The following ISM1 variants were observed in gnomAD, a reference collection of about 807,000 sequenced individuals.
ISM1 encodes isthmin-1.
ISM1 carries 25 observed loss-of-function variants against 46.3 expected under a neutral mutation model. The ratio of observed to expected loss-of-function variants is 0.54; its 90% CI spans 0.39 to 0.75. The LOEUF (loss-of-function observed/expected upper bound fraction) is 0.75, where lower values mean the gene tolerates loss of function less well. ISM1 is among the 30% of genes least tolerant of loss of function. The pLI is 0.00. For missense variants in ISM1, 536 were observed against 625.4 expected (o/e 0.86, Z 1.52); for synonymous variants, 255 against 256.7 (o/e 0.99, Z 0.06).
intron 1 of ISM1, among the ~76,000 whole-genome samples, chr20:13,266,008 G>A (rs1211999565): frequency 6.6e-6 from 1 of 152,096 alleles, no homozygotes; most frequent in African/African-American, 2.4e-5. Flanking sequence ...CTCATTTCAG[G>A]CAGGACAAAG....
chr20:13,326,689 C>T, the ISM1 span, among the ~76,000 whole-genome samples: 1 of 152,028 alleles, frequency 6.6e-6, no homozygotes, highest in African/African-American at 2.4e-5. Flanking sequence ...GTCTTTTGTT[C>T]ATTTTTTAAA....
the ISM1 span, among the ~76,000 whole-genome samples, chr20:13,325,874 G>A: frequency 1.9e-4 from 29 of 152,038 alleles, no homozygotes; most frequent in Admixed American, 1.3e-4. Flanking sequence ...CAAAATGGAG[G>A]TTTCCTTATG....
rs189377184 is a variant in ISM1, at chr20:13,225,135, G to C, written c.138+3221G>C. Among the ~76,000 whole-genome samples, 116 of 151,650 alleles carry C rather than the reference G, an allele frequency of 7.6e-4. 1 individual carries two copies. The highest frequency in any genetic ancestry group is 6.8e-3 in the East Asian group (35 of 5,156). Reference sequence around the variant, plus strand: ...CCCAAAGTGCTGGGATTACAGGCGTGAGCCACCGCGCCCGGCCCATACTAG... The same window carrying C: ...CCCAAAGTGCTGGGATTACAGGCGTCAGCCACCGCGCCCGGCCCATACTAG... On this transcript the variant is annotated intron_variant, in intron 1 of 5. Transcript: ENST00000262487.
At chr20:13,238,319 A>G (rs1212285526) in intron 1 of ISM1, among the ~76,000 whole-genome samples, 3 of 152,160 alleles carry the variant, frequency 2.0e-5, no homozygotes, top group African/African-American at 7.2e-5. Flanking sequence ...AGTTCTTGAG[A>G]AGGTCATTAA....
At chr20:13,269,677 C>A (rs1243608110) in intron 1 of ISM1, among the ~76,000 whole-genome samples, 2 of 152,166 alleles carry the variant, frequency 1.3e-5, no homozygotes, top group East Asian at 3.9e-4. Flanking sequence ...CAAGTGTCAC[C>A]TTCTCTGAGG....
rs2039444840 is a variant in ISM1 at position 13,221,411 on chromosome 20, AG to A, written c.-363del. On this transcript the variant is annotated 5_prime_UTR_variant, in exon 1 of 6. An upstream open reading frame in the 5' UTR loses its in-frame stop. Transcript: ENST00000262487. Reference sequence around the variant, plus strand: ...GCCGACCCCGCAGCCCCCTGCCAGCAGGGTGGCCTCCGGCCCGGCCCGGGTC... The same window carrying A: ...GCCGACCCCGCAGCCCCCTGCCAGCAGGTGGCCTCCGGCCCGGCCCGGGTC... 7.0e-6 allele frequency among the ~76,000 whole-genome samples: 1 copy of A among 142,998 alleles called. No homozygotes were observed. The highest frequency in any genetic ancestry group is 2.5e-5 in the African/African-American group (1 of 40,004). 93.8% of individuals were successfully genotyped at this position (142,998 alleles called of 152,430 possible).
chr20:13,282,571 A>G (rs2040249021), intron 3 of ISM1, among the ~76,000 whole-genome samples: 1 of 152,210 alleles, frequency 6.6e-6, no homozygotes, highest in Non-Finnish European at 1.5e-5. Context: ...TCCTAGACCT[A>G]GAGTACCATT....
At chr20:13,306,564 C>CAAAAAAAAAAA in the ISM1 span, among the ~76,000 whole-genome samples, 5 of 63,906 alleles carry the variant, frequency 7.8e-5, no homozygotes, top group African/African-American at 1.4e-4. Context: ...GGAGAAAGGA[C>CAAAAAAAAAAA]AAAAAAAAAA....
chr20:13,284,357 A>C (rs1000652354), intron 3 of ISM1, among the ~76,000 whole-genome samples: 6 of 152,260 alleles, frequency 3.9e-5, no homozygotes, highest in Non-Finnish European at 5.9e-5. Context: ...AGCCCACTGC[A>C]CTCGGGATAG....
the ISM1 span, among the ~76,000 whole-genome samples, chr20:13,325,619 C>T: frequency 3.7e-4 from 56 of 152,288 alleles, no homozygotes; most frequent in African/African-American, 1.2e-3. Flanking sequence ...CTTCGGAAGA[C>T]GAAATTCCTT....
At chr20:13,232,975 G>A (rs901851035) in intron 1 of ISM1, among the ~76,000 whole-genome samples, 11 of 151,884 alleles carry the variant, frequency 7.2e-5, no homozygotes, top group African/African-American at 2.7e-4. Context: ...GACATTGATT[G>A]TAGTGACCAT....
At chr20:13,268,114 G>GTCTTCTCTTCTCTTCTCTTCCCTTC (rs2040063839) in intron 1 of ISM1, among the ~76,000 whole-genome samples, 1 of 140,392 alleles carries the variant, frequency 7.1e-6, no homozygotes, top group East Asian at 2.2e-4. Context: ...CTCCTCTCCT[G>GTCTTCTCTTCTCTTCTCTTCCCTTC]TCTTCTCTTC....
chr20:13,255,770 C>T (rs576843200), intron 1 of ISM1, among the ~76,000 whole-genome samples: 24 of 152,266 alleles, frequency 1.6e-4, no homozygotes, highest in Admixed American at 3.9e-4. Context: ...TTGCACCATG[C>T]ACAAATTGTA....
At chr20:13,225,064 A>G (rs1032647675) in intron 1 of ISM1, among the ~76,000 whole-genome samples, 11 of 150,080 alleles carry the variant, frequency 7.3e-5, no homozygotes, top group Admixed American at 2.7e-4. Flanking sequence ...CGTGTTAGCC[A>G]GGATGGTCTC....
At chr20:13,256,332 G>T (rs575007297) in intron 1 of ISM1, among the ~76,000 whole-genome samples, 3 of 146,764 alleles carry the variant, frequency 2.0e-5, no homozygotes, top group Admixed American at 7.0e-5. Flanking sequence ...GGAGGTGGAG[G>T]TTACACTGAG....
the ISM1 span, among the ~76,000 whole-genome samples, chr20:13,309,661 C>G: frequency 2.0e-5 from 3 of 152,244 alleles, no homozygotes; most frequent in African/African-American, 7.2e-5. Flanking sequence ...GAATTTATCT[C>G]TGTTTGCAGA....
intron 1 of ISM1, among the ~76,000 whole-genome samples, chr20:13,247,999 C>T (rs1402697743): frequency 1.3e-5 from 2 of 152,256 alleles, no homozygotes; most frequent in Non-Finnish European, 1.5e-5. Context: ...ACTTGTTCAT[C>T]GTGTGTCAGT....
chr20:13,326,581 T>C, the ISM1 span, among the ~76,000 whole-genome samples: 1 of 152,146 alleles, frequency 6.6e-6, no homozygotes, highest in African/African-American at 2.4e-5. Context: ...TATCTCAACA[T>C]GTTGTTAGTT....
At chr20:13,253,167 G>A (rs1471168751) in intron 1 of ISM1, among the ~76,000 whole-genome samples, 1 of 152,164 alleles carries the variant, frequency 6.6e-6, no homozygotes, top group Non-Finnish European at 1.5e-5. Context: ...GGGAAAAGCA[G>A]GAAGGAACCA....
Sources: allele counts gnomAD v4.1 joint callset (sites outside exome capture counted in the v4.1 genomes callset), GRCh38; gene constraint gnomAD v4.1.1; transcripts MANE v1.5; gene names NCBI Gene and HGNC (gene_info 2026-07-23, HGNC 2026-07-21).